Variants in CAMKMT observed in about 807,000 individuals in gnomAD.
CAMKMT encodes CaM KMT.
CAMKMT carries 53 observed loss-of-function variants against 48.0 expected under a neutral mutation model. That is an observed-to-expected ratio of 1.10 (90% CI 0.89 to 1.39). The LOEUF (loss-of-function observed/expected upper bound fraction) is 1.39, where lower values mean the gene tolerates loss of function less well. CAMKMT is among the 40% of genes most tolerant of loss of function. CAMKMT has a pLI of 0.00. For synonymous variants in CAMKMT, 165 were observed against 152.3 expected (o/e 1.08, Z -0.61); for missense variants, 428 against 402.7 (o/e 1.06, Z -0.54).
intron 3 of CAMKMT, among the ~76,000 whole-genome samples, chr2:44,568,694 AT>A (rs1262141502): frequency 1.3e-5 from 2 of 152,188 alleles, no homozygotes; most frequent in Non-Finnish European, 2.9e-5. Context: ...CCTCATGGAC[AT>A]GGCAGGGGTT....
At chr2:44,752,343 T>C (rs918919775) in intron 8 of CAMKMT, among the ~76,000 whole-genome samples, 1 of 151,392 alleles carries the variant, frequency 6.6e-6, no homozygotes, top group Non-Finnish European at 1.5e-5. Context: ...CAATATGGGG[T>C]TCAGAAAAAA....
intron 1 of CAMKMT, among the ~76,000 whole-genome samples, chr2:44,364,252 G>A (rs922293133): frequency 6.6e-6 from 1 of 152,090 alleles, no homozygotes; most frequent in Admixed American, 6.6e-5. Flanking sequence ...GTTACATGAA[G>A]TCCCCACACG....
chr2:44,733,643 A>G lies in CAMKMT; in HGVS notation c.624-9979A>G, dbSNP rs569156904. 2.5e-4 allele frequency among the ~76,000 whole-genome samples: 38 copies of G among 152,302 alleles called. No homozygotes were observed. In the South Asian group the frequency reaches 7.7e-3, roughly 31 times the overall value. On this transcript the variant is annotated intron_variant, in intron 7 of 10. Transcript: ENST00000378494. ...TTTTAGGTTGCTGAAAGTTTTTAGC[A>G]GGAACAGACATTAATCTTTGTCAGA...
chr2:44,514,101 C>CA (rs5830791), intron 3 of CAMKMT, among the ~76,000 whole-genome samples: 1,410 of 115,244 alleles, frequency 0.012, 18 homozygotes, highest in African/African-American at 0.039. Context: ...GACCCTGTCT[C>CA]AAAAAAAAAA....
chr2:44,666,834 T>C (rs1331824295), intron 3 of CAMKMT, among the ~76,000 whole-genome samples: 1 of 152,160 alleles, frequency 6.6e-6, no homozygotes, highest in Non-Finnish European at 1.5e-5. Context: ...GGTCTTGATC[T>C]CCTGACCTCG....
At chr2:44,411,755 A>G (rs960232256) in intron 3 of CAMKMT, among the ~76,000 whole-genome samples, 16 of 152,002 alleles carry the variant, frequency 1.1e-4, no homozygotes, top group African/African-American at 3.9e-4. Context: ...TCATCAAACT[A>G]TTTTTTAAAT....
At chr2:44,555,549 T>C (rs1465196215) in intron 3 of CAMKMT, among the ~76,000 whole-genome samples, 2 of 152,082 alleles carry the variant, frequency 1.3e-5, no homozygotes, top group African/African-American at 4.8e-5. Context: ...GTTGAGAAGG[T>C]CTAGGCATCA....
intron 3 of CAMKMT, among the ~76,000 whole-genome samples, chr2:44,406,744 G>A (rs566719772): frequency 3.3e-5 from 5 of 152,138 alleles, no homozygotes; most frequent in South Asian, 4.1e-4. Flanking sequence ...CTATGGAAGC[G>A]CACTACCAGG....
chr2:44,737,663 A>C (rs1166319456), intron 7 of CAMKMT, among the ~76,000 whole-genome samples: 1 of 152,052 alleles, frequency 6.6e-6, no homozygotes, highest in African/African-American at 2.4e-5. Context: ...CCCAACTTCA[A>C]GTAGTTTTCT....
chr2:44,559,057 A>C (rs1214898509), intron 3 of CAMKMT, among the ~76,000 whole-genome samples: 1 of 152,216 alleles, frequency 6.6e-6, no homozygotes, highest in Non-Finnish European at 1.5e-5. Flanking sequence ...TCATCTATCT[A>C]GAATCCAAAA....
chr2:44,758,393 CT>C (rs1369554970), intron 9 of CAMKMT, among the ~76,000 whole-genome samples: 1 of 152,146 alleles, frequency 6.6e-6, no homozygotes, highest in Non-Finnish European at 1.5e-5. Flanking sequence ...CCAGGCTGAG[CT>C]TAGATTCTCA....
At chr2:44,383,465 T>C (rs1333600684) in intron 2 of CAMKMT, among the ~76,000 whole-genome samples, 1 of 152,102 alleles carries the variant, frequency 6.6e-6, no homozygotes, top group African/African-American at 2.4e-5. Context: ...ACCTGACCCC[T>C]TTTTTTAATT....
At chr2:44,538,039 T>C (rs552387234) in intron 3 of CAMKMT, among the ~76,000 whole-genome samples, 1 of 152,234 alleles carries the variant, frequency 6.6e-6, no homozygotes, top group African/African-American at 2.4e-5. Context: ...TGCAAAGATA[T>C]GGAACCAATC....
At chr2:44,670,209 G>A (rs1406133366) in intron 3 of CAMKMT, among the ~76,000 whole-genome samples, 2 of 152,118 alleles carry the variant, frequency 1.3e-5, no homozygotes, top group Non-Finnish European at 2.9e-5. Flanking sequence ...GAAATTTCTT[G>A]AACTATAAGA....
At chr2:44,371,146 G>T (rs996275699) in intron 1 of CAMKMT, among the ~76,000 whole-genome samples, 2 of 152,020 alleles carry the variant, frequency 1.3e-5, no homozygotes, top group African/African-American at 4.8e-5. Flanking sequence ...CACCACACCT[G>T]GCTAATTTTT....
At chr2:44,600,448 G>A (rs1459806800) in intron 3 of CAMKMT, among the ~76,000 whole-genome samples, 2 of 151,824 alleles carry the variant, frequency 1.3e-5, no homozygotes, top group Non-Finnish European at 2.9e-5. Flanking sequence ...TGTATTTTTG[G>A]TAGAGAGACA....
At chr2:44,458,336 T>G (rs539981624) in intron 3 of CAMKMT, among the ~76,000 whole-genome samples, 1 of 152,124 alleles carries the variant, frequency 6.6e-6, no homozygotes, top group Non-Finnish European at 1.5e-5. Flanking sequence ...TGTGAGCCAC[T>G]GCGCCCTGCC....
intron 3 of CAMKMT, among the ~76,000 whole-genome samples, chr2:44,680,711 A>C (rs114219598): frequency 0.015 from 2,253 of 152,306 alleles, 57 homozygotes; most frequent in African/African-American, 0.052. Context: ...CAATGCATTA[A>C]GACCAGGACT....
chr2:44,511,628 C>T (rs184931654), intron 3 of CAMKMT, among the ~76,000 whole-genome samples: 1 of 152,272 alleles, frequency 6.6e-6, no homozygotes, highest in African/African-American at 2.4e-5. Context: ...ATTTCACGTC[C>T]TACATTCTTA....
Sources: allele counts gnomAD v4.1 joint callset (sites outside exome capture counted in the v4.1 genomes callset), GRCh38; gene constraint gnomAD v4.1.1; transcripts MANE v1.5; gene names NCBI Gene and HGNC (gene_info 2026-07-23, HGNC 2026-07-21).